IQCE: variants seen among roughly 807,000 people sequenced by gnomAD.
The protein encoded by IQCE is IQ domain-containing protein E.
Under a neutral mutation model 96.0 loss-of-function variants are expected in IQCE, and 115 were observed. The observed-to-expected ratio is 1.20, with a 90% CI of 1.03 to 1.40. IQCE has a LOEUF of 1.40. Ranked by LOEUF, IQCE falls within the 40% of genes most tolerant of loss-of-function variation. IQCE has a pLI of 0.00. For missense variants in IQCE, 1,041 were observed against 909.1 expected (o/e 1.15, Z -1.87); for synonymous variants, 412 against 371.2 (o/e 1.11, Z -1.26).
chr7:2,604,650 C>G (rs866942576), intron 18 of IQCE, among the ~76,000 whole-genome samples: 1 of 152,222 alleles, frequency 6.6e-6, no homozygotes, highest in Non-Finnish European at 1.5e-5. Context: ...AGAGTCCCCA[C>G]TGTGCTGACA....
chr7:2,589,468 C>T (rs555773785), intron 13 of IQCE, among the ~76,000 whole-genome samples: 5 of 152,288 alleles, frequency 3.3e-5, no homozygotes, highest in African/African-American at 1.2e-4. Context: ...GCAGCACGTC[C>T]AAGATCCGGG....
chr7:2,595,103 C>T, intron 16 of IQCE, 127 bp downstream of exon 16: 1 of 694,592 alleles, frequency 1.4e-6, no homozygotes, highest in Non-Finnish European at 2.6e-6. Flanking sequence ...CCTTTATCAT[C>T]ACCATTGATT....
At chr7:2,581,265 G>T (rs1399147189) in intron 8 of IQCE, among the ~76,000 whole-genome samples, 1 of 152,010 alleles carries the variant, frequency 6.6e-6, no homozygotes, top group African/African-American at 2.4e-5. Flanking sequence ...CAGTGCAGTG[G>T]CGAGATCTCG....
chr7:2,569,736 A>G (rs1351520752), intron 3 of IQCE, among the ~76,000 whole-genome samples: 1 of 152,186 alleles, frequency 6.6e-6, no homozygotes, highest in African/African-American at 2.4e-5. Flanking sequence ...ATGTGTGTCT[A>G]TTTTATATAC....
chr7:2,602,894 C>G (rs994436919), intron 18 of IQCE, among the ~76,000 whole-genome samples: 2 of 152,188 alleles, frequency 1.3e-5, no homozygotes, highest in African/African-American at 4.8e-5. Context: ...CATCTGATGG[C>G]CAGGCCACAG....
chr7:2,606,732 C>T (rs910477889), intron 20 of IQCE, among the ~76,000 whole-genome samples: 2 of 152,150 alleles, frequency 1.3e-5, no homozygotes, highest in African/African-American at 4.8e-5. Context: ...GCTCAGGAGT[C>T]AGGGACCCAT....
In IQCE at chr7:2,573,631, C is replaced by T. The variant is rs997354232; in HGVS notation, c.465+143C>T. On this transcript the variant is annotated intron_variant, in intron 6 of 21. Coordinates refer to ENST00000402050, the MANE Select transcript of IQCE (RefSeq NM_152558.5). ...GGTCGAACCTGAGTTTGAGCCGTGG[C>T]GTAGTGCCCTAGGAGCTGGTGTCCC... 14 of 543,702 alleles carry T rather than the reference C, an allele frequency of 2.6e-5. No individual in the cohort carries two copies. The East Asian group carries it at 2.9e-4, about 11-fold the overall frequency. The allele number at this position is 543,702 out of a possible 1,614,324, so 33.7% of individuals were successfully genotyped here. A position where few individuals can be genotyped will look rare whatever the true frequency, so the allele number is the denominator to read the frequency against.
At chr7:2,571,461 A>C in intron 3 of IQCE, 65 bp from the exon 4 acceptor site, 1 of 1,587,392 alleles carries the variant, frequency 6.3e-7, no homozygotes, top group Admixed American at 1.8e-5. Flanking sequence ...GTCTTTCTGA[A>C]GTTCATGTGT....
intron 8 of IQCE, among the ~76,000 whole-genome samples, chr7:2,579,899 G>A (rs1209114513): frequency 1.3e-5 from 2 of 152,004 alleles, no homozygotes; most frequent in East Asian, 1.9e-4. Flanking sequence ...CTACAGGCAC[G>A]TGCCACCACA....
chr7:2,561,235 G>A (rs952850473), intron 1 of IQCE, among the ~76,000 whole-genome samples: 4 of 152,212 alleles, frequency 2.6e-5, no homozygotes, highest in Middle Eastern at 3.4e-3. Context: ...TGGGATTACA[G>A]GCGTGAGCCA....
intron 8 of IQCE, 151 bp from the exon 9 acceptor site, chr7:2,582,429 C>G (rs1782747585): frequency 1.4e-6 from 1 of 689,958 alleles, no homozygotes. Context: ...GTGGGGCCCT[C>G]CCTCTTCCCT....
At chr7:2,595,719 C>T (rs570840742) in intron 16 of IQCE, among the ~76,000 whole-genome samples, 2 of 146,940 alleles carry the variant, frequency 1.4e-5, no homozygotes, top group East Asian at 2.0e-4. Context: ...CCATGGCCGG[C>T]GCTGCCTGCA....
At chr7:2,602,029 C>G (rs1223935163) in intron 18 of IQCE, 2 of 157,438 alleles carry the variant, frequency 1.3e-5, no homozygotes, top group Non-Finnish European at 2.8e-5. Flanking sequence ...CTGCGTGGGG[C>G]AGTCTCAGAG....
At chr7:2,596,300 G>A (rs1784033866) in intron 16 of IQCE, among the ~76,000 whole-genome samples, 1 of 149,732 alleles carries the variant, frequency 6.7e-6, no homozygotes, top group South Asian at 2.1e-4. Flanking sequence ...AAAAGAAAAA[G>A]GTCTGAAAAT....
At chr7:2,594,771 A>G (rs552988734) in intron 15 of IQCE, 115 bp from the exon 16 acceptor site, 1 of 754,976 alleles carries the variant, frequency 1.3e-6, no homozygotes, top group South Asian at 1.5e-5. Flanking sequence ...AGCTCTCTAC[A>G]GGCTGCCTGG....
At chr7:2,587,720 G>T (rs1583460065) in intron 12 of IQCE, 102 bp from the exon 13 acceptor site, 1 of 1,189,596 alleles carries the variant, frequency 8.4e-7, no homozygotes, top group East Asian at 2.4e-5. Context: ...CCCGCAGGCT[G>T]CTCCGGCTGC....
Position 2,559,192 on chromosome 7 carries a change from G to A in IQCE, c.11G>A (p.Gly4Asp). 2 of 1,216,924 alleles carry A rather than the reference G, an allele frequency of 1.6e-6. No individual in the cohort carries two copies. Among genetic ancestry groups the A allele is most frequent in the Non-Finnish European group, 2.0e-6 (2 of 977,574 alleles). 75.4% of individuals were successfully genotyped at this position (1,216,924 alleles called of 1,614,324 possible). A position where few individuals can be genotyped will look rare whatever the true frequency, so the allele number is the denominator to read the frequency against. The change falls in exon 1 of 22, where the codon GGC becomes GAC. Residue 4 changes from glycine to aspartate, a missense_variant. By Grantham distance (94) the Gly-to-Asp change is moderately conservative. Coordinates refer to ENST00000402050, the MANE Select transcript of IQCE (RefSeq NM_152558.5). ...GGCAGCGCCGCCACCATGTTCCTGG[G>A]CACCGGGGAGCCGGCCTTGGACACG... MFL[G>D]TGEPALDTGD...
At chr7:2,607,846 G>A (rs1450996317) in intron 21 of IQCE, among the ~76,000 whole-genome samples, 2 of 152,230 alleles carry the variant, frequency 1.3e-5, no homozygotes, top group Non-Finnish European at 2.9e-5. Flanking sequence ...CCTGTAAAGG[G>A]AAGATGAGTG....
chr7:2,609,958 G>A (rs1785035342), intron 21 of IQCE, 86 bp from the exon 22 acceptor site: 4 of 755,438 alleles, frequency 5.3e-6, no homozygotes, highest in South Asian at 1.5e-5. Flanking sequence ...GCCTGCCGGG[G>A]AAGAGCAGAC....
Sources: allele counts gnomAD v4.1 joint callset (sites outside exome capture counted in the v4.1 genomes callset), GRCh38; gene constraint gnomAD v4.1.1; transcripts MANE v1.5; gene names NCBI Gene and HGNC (gene_info 2026-07-23, HGNC 2026-07-21).